Variants in SGCZ observed in about 807,000 individuals in gnomAD.
The protein encoded by SGCZ is sarcoglycan zeta.
Under a neutral mutation model 41.3 loss-of-function variants are expected in SGCZ, and 40 were observed. That is an observed-to-expected ratio of 0.97 (90% CI 0.75 to 1.26). The LOEUF (loss-of-function observed/expected upper bound fraction) is 1.26, where lower values mean the gene tolerates loss of function less well. Ranked by LOEUF, SGCZ falls within the 50% of genes most tolerant of loss-of-function variation. SGCZ has a pLI of 0.00. For missense variants in SGCZ, 552 were observed against 369.8 expected (o/e 1.49, Z -4.04); for synonymous variants, 206 against 137.5 (o/e 1.50, Z -3.49).
intron 2 of SGCZ, among the ~76,000 whole-genome samples, chr8:14,358,531 T>A (rs1803376980): frequency 6.6e-6 from 1 of 152,178 alleles, no homozygotes; most frequent in South Asian, 2.1e-4. Flanking sequence ...AAACAGGTTA[T>A]TAAAACTAAA....
intron 5 of SGCZ, among the ~76,000 whole-genome samples, chr8:14,132,741 G>C (rs1442920518): frequency 6.6e-6 from 1 of 152,050 alleles, no homozygotes; most frequent in Non-Finnish European, 1.5e-5. Context: ...TTCTTTGTAT[G>C]AATTGTGACT....
At chr8:14,109,523 C>G (rs1026337639) in intron 5 of SGCZ, among the ~76,000 whole-genome samples, 16 of 152,040 alleles carry the variant, frequency 1.1e-4, no homozygotes, top group African/African-American at 3.6e-4. Flanking sequence ...CCATCAGTGG[C>G]TTCAACACTA....
intron 1 of SGCZ, among the ~76,000 whole-genome samples, chr8:14,595,400 AACACACACAC>A (rs34287378): frequency 0.09 from 12,254 of 136,332 alleles, 797 homozygotes; most frequent in East Asian, 0.41. Context: ...AACATGCACA[AACACACACAC>A]ACACACACAC....
intron 1 of SGCZ, among the ~76,000 whole-genome samples, chr8:14,896,300 G>C (rs1805196488): frequency 1.3e-5 from 2 of 152,112 alleles, no homozygotes; most frequent in Non-Finnish European, 2.9e-5. Flanking sequence ...GGGAAAGAAG[G>C]TGTGCAAGAT....
chr8:14,196,793 G>C (rs1805280156), intron 4 of SGCZ, among the ~76,000 whole-genome samples: 1 of 151,954 alleles, frequency 6.6e-6, no homozygotes, highest in Admixed American at 6.6e-5. Flanking sequence ...AACTATACAA[G>C]TTAAAAATTA....
At chr8:14,601,023 C>A (rs1000901852) in intron 1 of SGCZ, among the ~76,000 whole-genome samples, 9 of 149,900 alleles carry the variant, frequency 6.0e-5, no homozygotes, top group Non-Finnish European at 8.9e-5. Context: ...ATGTTTTATG[C>A]ATTTTATAAT....
intron 3 of SGCZ, chr8:14,319,620 T>A (rs1051838693): frequency 1.3e-5 from 2 of 152,044 alleles, no homozygotes; most frequent in African/African-American, 4.8e-5. Flanking sequence ...GGAAAATCCA[T>A]AATATAAAGA....
chr8:14,103,329 G>C (rs1224009640), intron 6 of SGCZ, among the ~76,000 whole-genome samples: 2 of 152,086 alleles, frequency 1.3e-5, no homozygotes, highest in African/African-American at 4.8e-5. Context: ...AAAGTGCTAG[G>C]ATGAGAAGAG....
At chr8:14,286,171 T>C (rs1800619981) in intron 3 of SGCZ, among the ~76,000 whole-genome samples, 1 of 152,130 alleles carries the variant, frequency 6.6e-6, no homozygotes, top group East Asian at 1.9e-4. Flanking sequence ...CTTTGCTTCC[T>C]TGCATGGTAT....
chr8:15,205,589 A>T (rs1471131351), intron 1 of SGCZ, among the ~76,000 whole-genome samples: 2 of 152,186 alleles, frequency 1.3e-5, no homozygotes, highest in Non-Finnish European at 2.9e-5. Context: ...GCTATTAATA[A>T]AAAGTCAAAA....
rs549666120 is a variant in SGCZ, at chr8:14,257,359, A to G, written c.337-19680T>C. Among the ~76,000 whole-genome samples the G allele has an allele frequency of 6.2e-4, 77 of 123,336 alleles. No homozygotes were observed. The East Asian group carries it at 0.015, about 24-fold the overall frequency. 80.9% of individuals were successfully genotyped at this position (123,336 alleles called of 152,430 possible). On this transcript the variant is annotated intron_variant, in intron 3 of 7. Transcript: ENST00000382080. ...GAGACCCTGTCTCCAGAAAAAAAAA[A>G]GAAGAAAGAAAACAAAACAAAAACA...
At chr8:14,410,400 G>GAAAAA (rs112663668) in intron 2 of SGCZ, among the ~76,000 whole-genome samples, 7,649 of 145,634 alleles carry the variant, frequency 0.053, 253 homozygotes, top group Admixed American at 0.11. Context: ...AATAATTTAA[G>GAAAAA]AAAAAAAAAA....
intron 5 of SGCZ, among the ~76,000 whole-genome samples, chr8:14,115,496 G>T (rs1802495816): frequency 6.6e-6 from 1 of 151,754 alleles, no homozygotes; most frequent in Non-Finnish European, 1.5e-5. Flanking sequence ...AGATTCCTAG[G>T]TAAATTATCT....
At chr8:14,494,972 T>G (rs939724078) in intron 2 of SGCZ, among the ~76,000 whole-genome samples, 3 of 152,216 alleles carry the variant, frequency 2.0e-5, no homozygotes. Flanking sequence ...TAAAGGTAAT[T>G]TGGGGAATGT....
chr8:14,731,542 A>T (rs538769212), intron 1 of SGCZ, among the ~76,000 whole-genome samples: 33 of 152,274 alleles, frequency 2.2e-4, no homozygotes, highest in South Asian at 4.1e-4. Flanking sequence ...AATAAAAATA[A>T]TTTTTAAAAA....
intron 2 of SGCZ, among the ~76,000 whole-genome samples, chr8:14,483,454 C>G (rs975028979): frequency 2.0e-5 from 3 of 152,102 alleles, no homozygotes; most frequent in Non-Finnish European, 4.4e-5. Context: ...GCCTGTGGTC[C>G]CAGCTACTTG....
At chr8:14,686,911 A>G (rs941249811) in intron 1 of SGCZ, among the ~76,000 whole-genome samples, 3 of 151,950 alleles carry the variant, frequency 2.0e-5, no homozygotes, top group East Asian at 1.9e-4. Context: ...AACATTTTCA[A>G]ACTGGGTCCC....
intron 4 of SGCZ, among the ~76,000 whole-genome samples, chr8:14,166,766 G>C (rs1043378479): frequency 1.3e-5 from 2 of 152,010 alleles, no homozygotes; most frequent in African/African-American, 4.8e-5. Flanking sequence ...ATGCTATATT[G>C]CATGACATAT....
At position 14,835,411 on chromosome 8, in the gene SGCZ, T is replaced by C. The variant is rs1420087915; in HGVS notation, c.40-280485A>G. On this transcript the variant is annotated intron_variant, in intron 1 of 7. Transcript: ENST00000382080. ...TTACTTTCCAGTTATATAAATCTAA[T>C]TATATTCCCAATCTACACGACAGTT... 2.6e-5 allele frequency among the ~76,000 whole-genome samples: 4 copies of C among 151,830 alleles called. No individual in the cohort carries two copies. In the South Asian group the frequency reaches 8.3e-4, roughly 32 times the overall value.
Sources: allele counts gnomAD v4.1 joint callset (sites outside exome capture counted in the v4.1 genomes callset), GRCh38; gene constraint gnomAD v4.1.1; transcripts MANE v1.5; gene names NCBI Gene and HGNC (gene_info 2026-07-23, HGNC 2026-07-21).